Variants in CRPPA observed in about 807,000 individuals in gnomAD.
The protein encoded by CRPPA is CDP-L-ribitol pyrophosphorylase A, also known as D-ribitol-5-phosphate cytidylyltransferase.
Under a neutral mutation model 52.0 loss-of-function variants are expected in CRPPA, and 43 were observed. That is an observed-to-expected ratio of 0.83 (90% CI 0.65 to 1.07). CRPPA has a LOEUF of 1.07. Among genes scored for constraint, CRPPA ranks in the 50% least tolerant of loss-of-function variants. The probability of loss-of-function intolerance (pLI) is 0.00; values close to 1 mark genes in which losing one functional copy is unlikely to be tolerated. For synonymous variants in CRPPA, 250 were observed against 203.5 expected (o/e 1.23, Z -1.94); for missense variants, 629 against 551.7 (o/e 1.14, Z -1.40).
chr7:16,156,008 A>G (rs1473776889), intron 9 of CRPPA, among the ~76,000 whole-genome samples: 2 of 152,026 alleles, frequency 1.3e-5, no homozygotes, highest in Non-Finnish European at 2.9e-5. Flanking sequence ...ATTAAGGCCA[A>G]TATGGATACT....
intron 8 of CRPPA, among the ~76,000 whole-genome samples, chr7:16,233,578 C>T (rs1478290684): frequency 1.3e-5 from 2 of 152,042 alleles, no homozygotes; most frequent in African/African-American, 4.8e-5. Flanking sequence ...ACAAAAAATA[C>T]TGTTGTTTAA....
chr7:16,172,987 A>C (rs1781222167), intron 9 of CRPPA, among the ~76,000 whole-genome samples: 1 of 152,264 alleles, frequency 6.6e-6, no homozygotes, highest in Non-Finnish European at 1.5e-5. Context: ...CTATAGTTTT[A>C]TCACTACAAT....
At chr7:16,214,380 T>C (rs768714842) in intron 9 of CRPPA, among the ~76,000 whole-genome samples, 1 of 152,218 alleles carries the variant, frequency 6.6e-6, no homozygotes, top group Admixed American at 6.5e-5. Flanking sequence ...GAGATTTGCC[T>C]CAATAAACTC....
intron 9 of CRPPA, among the ~76,000 whole-genome samples, chr7:16,138,179 T>C (rs926675267): frequency 6.6e-6 from 1 of 152,206 alleles, no homozygotes; most frequent in Non-Finnish European, 1.5e-5. Flanking sequence ...AAGATATTTA[T>C]GTGAAAACAA....
In CRPPA at chr7:16,362,218, C is replaced by T. The variant is rs62441090; in HGVS notation, c.684+13874G>A. Reference sequence around the variant, plus strand: ...CTCAGACCACTATAACAAAATACCACAGACCGGGTAGTTTACCAACAATAC... The same window carrying T: ...CTCAGACCACTATAACAAAATACCATAGACCGGGTAGTTTACCAACAATAC... On this transcript the variant is annotated intron_variant, in intron 3 of 9. Transcript: ENST00000407010. Among the ~76,000 whole-genome samples, 1,442 of 152,326 alleles carry T rather than the reference C, an allele frequency of 9.5e-3. 7 individuals carry two copies. The highest frequency in any genetic ancestry group is 0.017 in the Non-Finnish European group (1,133 of 68,030).
intron 3 of CRPPA, among the ~76,000 whole-genome samples, chr7:16,334,527 G>A (rs764254552): frequency 1.3e-5 from 2 of 152,028 alleles, no homozygotes; most frequent in Non-Finnish European, 2.9e-5. Context: ...CATCCTATGC[G>A]GCAATCCCAT....
Position 16,125,766 on chromosome 7 carries a change from T to A in CRPPA, c.1252-33967A>T, listed in dbSNP as rs1226121291. On this transcript the variant is annotated intron_variant, in intron 9 of 9. Coordinates refer to ENST00000407010, the MANE Select transcript of CRPPA (RefSeq NM_001101426.4). The stretch of plus-strand genomic sequence containing the variant: ...GTATTTTATTGTTGTAAGAATTTAT[T>A]TTAAAAAATTTTCAAGAAGCTCGAT... Among the ~76,000 whole-genome samples, 6 of 152,190 alleles carry A rather than the reference T, an allele frequency of 3.9e-5. No homozygotes were observed. The East Asian group carries it at 1.2e-3, about 29-fold the overall frequency.
intron 8 of CRPPA, among the ~76,000 whole-genome samples, chr7:16,230,146 ACCT>A (rs1406143177): frequency 1.3e-5 from 2 of 151,914 alleles, no homozygotes; most frequent in Non-Finnish European, 2.9e-5. Flanking sequence ...TTGATTGGAG[ACCT>A]TTGACATTTC....
At chr7:16,183,248 T>G (rs1048976406) in intron 9 of CRPPA, among the ~76,000 whole-genome samples, 1 of 152,176 alleles carries the variant, frequency 6.6e-6, no homozygotes, top group South Asian at 2.1e-4. Flanking sequence ...AACATGCTCA[T>G]AGTTGATGTT....
At chr7:16,211,310 A>C (rs1782130089) in intron 9 of CRPPA, among the ~76,000 whole-genome samples, 1 of 152,220 alleles carries the variant, frequency 6.6e-6, no homozygotes, top group African/African-American at 2.4e-5. Flanking sequence ...AGAATGACTA[A>C]GTCTAAACAA....
chr7:16,165,518 T>TA (rs1362520536), intron 9 of CRPPA, among the ~76,000 whole-genome samples: 1 of 152,268 alleles, frequency 6.6e-6, no homozygotes, highest in African/African-American at 2.4e-5. Context: ...CATTGGAAAA[T>TA]AATATAAGAC....
chr7:16,093,134 A>G (rs1304559251), intron 9 of CRPPA, among the ~76,000 whole-genome samples: 2 of 152,104 alleles, frequency 1.3e-5, no homozygotes, highest in Admixed American at 6.6e-5. Context: ...TTGACCATCT[A>G]TTTTACCAGA....
At chr7:16,138,329 A>G (rs1401995362) in intron 9 of CRPPA, among the ~76,000 whole-genome samples, 1 of 152,238 alleles carries the variant, frequency 6.6e-6, no homozygotes, top group African/African-American at 2.4e-5. Flanking sequence ...GCACTGGCAA[A>G]GGTACTACAT....
At chr7:16,407,432 A>T (rs1787980912) in intron 1 of CRPPA, among the ~76,000 whole-genome samples, 1 of 152,178 alleles carries the variant, frequency 6.6e-6, no homozygotes, top group Admixed American at 6.5e-5. Context: ...CACAGCCCAA[A>T]AGCCCAAACC....
At chr7:16,300,229 C>G (rs1317865523) in intron 5 of CRPPA, among the ~76,000 whole-genome samples, 1 of 152,172 alleles carries the variant, frequency 6.6e-6, no homozygotes, top group African/African-American at 2.4e-5. Flanking sequence ...TTGTCATGAT[C>G]AGAGAAAAGA....
intron 3 of CRPPA, among the ~76,000 whole-genome samples, chr7:16,342,798 T>TAGATAG (rs1491461185): frequency 9.9e-6 from 1 of 101,254 alleles, no homozygotes; most frequent in East Asian, 2.4e-4. Flanking sequence ...TATATATATA[T>TAGATAG]CTATATAGAT....
chr7:16,118,334 C>T (rs553553461), intron 9 of CRPPA, among the ~76,000 whole-genome samples: 1 of 152,316 alleles, frequency 6.6e-6, no homozygotes, highest in South Asian at 2.1e-4. Flanking sequence ...AAGAACACAT[C>T]TTACTTGGCC....
chr7:16,138,731 A>T (rs923289600), intron 9 of CRPPA, among the ~76,000 whole-genome samples: 19 of 152,190 alleles, frequency 1.2e-4, no homozygotes, highest in African/African-American at 4.6e-4. Flanking sequence ...GTAGAGAGTA[A>T]GAATGAGTTA....
rs568134144 is a variant in CRPPA, at chr7:16,400,712, C to T, written c.534+5349G>A. 1.4e-4 allele frequency among the ~76,000 whole-genome samples: 21 copies of T among 152,328 alleles called. 1 individual carries two copies. The highest frequency in any genetic ancestry group is 7.8e-4 in the Admixed American group (12 of 15,308). ...ACCAACTCGTGTATGACACGTTACA[C>T]GTTTGTGACACGTGACCAACACCTG... On this transcript the variant is annotated intron_variant, in intron 2 of 9. Transcript: ENST00000407010.
Sources: allele counts gnomAD v4.1 joint callset (sites outside exome capture counted in the v4.1 genomes callset), GRCh38; gene constraint gnomAD v4.1.1; transcripts MANE v1.5; gene names NCBI Gene and HGNC (gene_info 2026-07-23, HGNC 2026-07-21).